The following SAMD12 variants were observed in gnomAD, a reference collection of about 807,000 sequenced individuals.
The protein encoded by SAMD12 is sterile alpha motif domain containing 12.
Under a neutral mutation model 15.0 loss-of-function variants are expected in SAMD12, and 9 were observed. That is an observed-to-expected ratio of 0.60 (90% CI 0.36 to 1.05). SAMD12 has a LOEUF of 1.05. Among genes scored for constraint, SAMD12 ranks in the 50% least tolerant of loss-of-function variants. The pLI is 0.01. For synonymous variants in SAMD12, 86 were observed against 90.1 expected, an observed-to-expected ratio of 0.96 and a Z score of 0.25; for missense variants, 230 against 234.2, an observed-to-expected ratio of 0.98 and a Z score of 0.12.
chr8:118,413,471 G>T (rs7002648), intron 3 of SAMD12, among the ~76,000 whole-genome samples: 54,788 of 151,820 alleles, frequency 0.36, 10,057 homozygotes, highest in Middle Eastern at 0.42. Context: ...ATCCTACATA[G>T]CCTTAATGGC....
At chr8:118,424,627 G>A (rs1374032068) in intron 3 of SAMD12, among the ~76,000 whole-genome samples, 1 of 152,088 alleles carries the variant, frequency 6.6e-6, no homozygotes, top group Non-Finnish European at 1.5e-5. Flanking sequence ...TTTCAACAGG[G>A]AACATGGGGG....
At chr8:118,439,704 C>T in intron 3 of SAMD12, 128 bp downstream of exon 3, 1 of 826,566 alleles carries the variant, frequency 1.2e-6, no homozygotes, top group East Asian at 2.5e-5. Context: ...TTTATCACCC[C>T]TTTGGAAGTA....
chr8:118,286,378 A>G (rs141787820), intron 4 of SAMD12, among the ~76,000 whole-genome samples: 19 of 151,796 alleles, frequency 1.3e-4, no homozygotes, highest in Admixed American at 2.6e-4. Context: ...TAGGGATGGC[A>G]ATGCTTGTTT....
chr8:118,263,825 T>C (rs998873000), intron 4 of SAMD12, among the ~76,000 whole-genome samples: 11 of 152,056 alleles, frequency 7.2e-5, no homozygotes, highest in Non-Finnish European at 1.5e-5. Flanking sequence ...GGTCAGGCAG[T>C]GGAGATGGAA....
the SAMD12 span, among the ~76,000 whole-genome samples, chr8:118,133,250 A>G: frequency 6.6e-6 from 1 of 151,822 alleles, no homozygotes; most frequent in Non-Finnish European, 1.5e-5. Context: ...CATTCAATAA[A>G]TGATATTTCC....
intron 4 of SAMD12, among the ~76,000 whole-genome samples, chr8:118,364,754 G>C (rs146832340): frequency 6.6e-6 from 1 of 152,250 alleles, no homozygotes; most frequent in Non-Finnish European, 1.5e-5. Flanking sequence ...ATTTGGGGGA[G>C]GAGAATGTGG....
intron 1 of SAMD12, among the ~76,000 whole-genome samples, chr8:118,592,764 A>T (rs1827614823): frequency 6.6e-6 from 1 of 152,204 alleles, no homozygotes; most frequent in Admixed American, 6.5e-5. Context: ...ACTAACAGAA[A>T]CAGGTGATTA....
chr8:118,396,932 C>G (rs1020204108), intron 3 of SAMD12, among the ~76,000 whole-genome samples: 1 of 152,136 alleles, frequency 6.6e-6, no homozygotes, highest in African/African-American at 2.4e-5. Flanking sequence ...AATGAGGTAT[C>G]TGAAGCAAGA....
intron 2 of SAMD12, among the ~76,000 whole-genome samples, chr8:118,553,262 C>T (rs62531926): frequency 2.3e-4 from 35 of 152,110 alleles, no homozygotes; most frequent in East Asian, 3.9e-4. Context: ...GGAGGCATCA[C>T]GCTACCTGAC....
intron 3 of SAMD12, among the ~76,000 whole-genome samples, chr8:118,411,577 C>A (rs1388431484): frequency 6.6e-6 from 1 of 151,776 alleles, no homozygotes; most frequent in South Asian, 2.1e-4. Flanking sequence ...GGGCATTGTC[C>A]CAAAGCAGTC....
At chr8:118,597,936 T>C (rs1563604567) in intron 1 of SAMD12, among the ~76,000 whole-genome samples, 2 of 152,182 alleles carry the variant, frequency 1.3e-5, no homozygotes, top group Admixed American at 1.3e-4. Context: ...CCTCACACAA[T>C]GGCTGGCACG....
chr8:118,422,909 G>A lies in SAMD12; in HGVS notation c.322+16923C>T, dbSNP rs140711083. 3.8e-3 allele frequency among the ~76,000 whole-genome samples: 574 copies of A among 152,278 alleles called. 8 individuals carry two copies. Among genetic ancestry groups the A allele is most frequent in the African/African-American group, 0.013 (543 of 41,548 alleles). ...CTGTGGTGTGGGAGGAGCAAGGGAC[G>A]GTAGGCAAGGAGAAGACCACAGTTA... is the stretch of plus-strand genomic sequence containing the variant. On this transcript the variant is annotated intron_variant, in intron 3 of 3. Coordinates refer to ENST00000314727, the MANE Select transcript of SAMD12 (RefSeq NM_207506.3).
downstream of SAMD12, among the ~76,000 whole-genome samples, chr8:118,373,629 A>G (rs574455869): frequency 1.0e-3 from 159 of 152,288 alleles, no homozygotes; most frequent in African/African-American, 3.8e-3. Context: ...TTCAGGAAAC[A>G]CTAATGTTTA....
chr8:118,308,009 T>C (rs572197876), intron 4 of SAMD12, among the ~76,000 whole-genome samples: 2 of 152,372 alleles, frequency 1.3e-5, no homozygotes, highest in Admixed American at 1.3e-4. Flanking sequence ...TTCTTCCAAG[T>C]TCCTGTAACT....
chr8:118,608,378 T>G (rs554676542), intron 1 of SAMD12, among the ~76,000 whole-genome samples: 20 of 152,102 alleles, frequency 1.3e-4, no homozygotes, highest in Middle Eastern at 3.4e-3. Context: ...TAGTTTCGTC[T>G]TCCCGTCCCA....
At chr8:118,568,530 G>A (rs971855511) in intron 2 of SAMD12, among the ~76,000 whole-genome samples, 1 of 152,180 alleles carries the variant, frequency 6.6e-6, no homozygotes, top group Non-Finnish European at 1.5e-5. Context: ...TGAGGGTCAT[G>A]TTTTATAATG....
At chr8:118,602,887 CAATT>C (rs1239617723) in intron 1 of SAMD12, among the ~76,000 whole-genome samples, 1 of 151,818 alleles carries the variant, frequency 6.6e-6, no homozygotes, top group African/African-American at 2.4e-5. Context: ...CAAAAACAAA[CAATT>C]AGGAAGAAAG....
chr8:118,543,896 G>T (rs1391950946), intron 2 of SAMD12, among the ~76,000 whole-genome samples: 1 of 151,726 alleles, frequency 6.6e-6, no homozygotes, highest in African/African-American at 2.4e-5. Flanking sequence ...TATCTCCAGG[G>T]TCTCTCCATG....
chr8:118,327,952 G>T (rs1220852654), intron 4 of SAMD12, among the ~76,000 whole-genome samples: 2 of 152,080 alleles, frequency 1.3e-5, no homozygotes, highest in African/African-American at 2.4e-5. Flanking sequence ...CAGACTGTGG[G>T]TGACATATTT....
Sources: gnomAD v4.1 joint callset for allele counts (sites outside exome capture counted in the v4.1 genomes callset) on GRCh38, gnomAD v4.1.1 for gene constraint, MANE v1.5 for transcripts, NCBI Gene and HGNC (gene_info 2026-07-23, HGNC 2026-07-21) for gene names.